HS6ST3: variants seen among roughly 807,000 people sequenced by gnomAD.
HS6ST3 encodes heparan sulfate 6-O-sulfotransferase 3.
Under a neutral mutation model 36.7 loss-of-function variants are expected in HS6ST3, and 12 were observed. The observed-to-expected ratio is 0.33, with a 90% CI of 0.21 to 0.53. The LOEUF is 0.53. Among genes scored for constraint, HS6ST3 ranks in the 20% least tolerant of loss-of-function variants. The pLI is 0.95. For missense variants in HS6ST3, 584 were observed against 640.9 expected (o/e 0.91, Z 0.96); for synonymous variants, 240 against 257.5 (o/e 0.93, Z 0.65).
In HS6ST3 at chr13:96,619,447, G is replaced by A. The variant is rs111540374; in HGVS notation, c.708-213043G>A. Among the ~76,000 whole-genome samples, 34 of 152,288 alleles carry A rather than the reference G, an allele frequency of 2.2e-4. 2 individuals carry two copies. The highest frequency in any genetic ancestry group is 7.9e-4 in the African/African-American group (33 of 41,558). ...TTTAGTATTTATCAAGTGCTGACTGGATCTTTTTGGTTAAAAAGTTGGTTA... is the reference window on the plus strand; with the variant it reads ...TTTAGTATTTATCAAGTGCTGACTGAATCTTTTTGGTTAAAAAGTTGGTTA... On this transcript the variant is annotated intron_variant, in intron 1 of 1. Transcript: ENST00000376705.
chr13:96,222,338 G>A (rs890597665), intron 1 of HS6ST3, among the ~76,000 whole-genome samples: 2 of 152,176 alleles, frequency 1.3e-5, no homozygotes, highest in Admixed American at 1.3e-4. Flanking sequence ...TGTCTGTATT[G>A]AAAGGTGATT....
intron 1 of HS6ST3, among the ~76,000 whole-genome samples, chr13:96,534,986 A>T (rs375745114): frequency 9.9e-5 from 15 of 152,222 alleles, no homozygotes; most frequent in Middle Eastern, 3.4e-3. Flanking sequence ...AAAAAGAGGA[A>T]CGCAGAACAG....
rs1017970070 is a variant in HS6ST3, at chr13:96,755,403, C to A, written c.708-77087C>A. On this transcript the variant is annotated intron_variant, in intron 1 of 1. Coordinates refer to ENST00000376705, the MANE Select transcript of HS6ST3 (RefSeq NM_153456.4). ...TTTTTGAGACAGAGTCTCACTCTAT[C>A]GCCCAGGCTGGAGTGCAATGGCATG... Among the ~76,000 whole-genome samples, 6 of 151,890 alleles carry A rather than the reference C, an allele frequency of 4.0e-5. No homozygotes were observed. In the East Asian group the frequency reaches 9.7e-4, roughly 24 times the overall value.
rs572902899 is a variant in HS6ST3 at position 96,429,771 on chromosome 13, T to C, written c.707+338202T>C. Among the ~76,000 whole-genome samples the C allele has an allele frequency of 4.7e-4, 71 of 152,342 alleles. No individual in the cohort carries two copies. In the South Asian group the frequency reaches 7.0e-3, roughly 15 times the overall value. On this transcript the variant is annotated intron_variant, in intron 1 of 1. Coordinates refer to ENST00000376705, the MANE Select transcript of HS6ST3 (RefSeq NM_153456.4). ...TAAAGCAGATAGTCTGTAGGTTCGA[T>C]AGAAAATTATAGGGAGTAGGAAAAC...
At chr13:96,761,636 AG>A (rs758247396) in intron 1 of HS6ST3, among the ~76,000 whole-genome samples, 6 of 152,288 alleles carry the variant, frequency 3.9e-5, no homozygotes, top group Non-Finnish European at 5.9e-5. Flanking sequence ...CATGTAAATT[AG>A]GTTTACATCC....
chr13:96,561,111 C>T (rs1233430405), intron 1 of HS6ST3, among the ~76,000 whole-genome samples: 3 of 152,128 alleles, frequency 2.0e-5, no homozygotes, highest in South Asian at 4.1e-4. Context: ...AGAGGCATCA[C>T]ATTACCTGAC....
intron 1 of HS6ST3, among the ~76,000 whole-genome samples, chr13:96,308,363 A>G (rs1482414652): frequency 6.6e-6 from 1 of 152,146 alleles, no homozygotes; most frequent in Admixed American, 6.6e-5. Context: ...GAGAATATTT[A>G]TTGCTGGTAC....
At chr13:96,279,468 C>T (rs142164420) in intron 1 of HS6ST3, among the ~76,000 whole-genome samples, 7 of 152,142 alleles carry the variant, frequency 4.6e-5, no homozygotes, top group South Asian at 4.2e-4. Flanking sequence ...ATAAGTGATA[C>T]GAAGGAGCAA....
intron 1 of HS6ST3, among the ~76,000 whole-genome samples, chr13:96,650,307 A>G (rs1013855950): frequency 5.3e-5 from 8 of 152,100 alleles, no homozygotes; most frequent in Non-Finnish European, 1.0e-4. Flanking sequence ...TATATCAAGA[A>G]TGAAGAGCTG....
intron 1 of HS6ST3, among the ~76,000 whole-genome samples, chr13:96,710,508 A>AT (rs1275812116): frequency 3.3e-5 from 5 of 152,234 alleles, no homozygotes; most frequent in East Asian, 1.9e-4. Flanking sequence ...GTAACAGTAG[A>AT]TTTTCTCTGC....
chr13:96,522,331 T>TCAGA (rs2056096852), intron 1 of HS6ST3, among the ~76,000 whole-genome samples: 10 of 152,298 alleles, frequency 6.6e-5, no homozygotes, highest in Admixed American at 6.5e-4. Context: ...ATTCTGTTGA[T>TCAGA]TTGGGGTGGG....
chr13:96,103,579 T>G (rs9516636), intron 1 of HS6ST3, among the ~76,000 whole-genome samples: 2,413 of 152,292 alleles, frequency 0.016, 29 homozygotes, highest in Non-Finnish European at 0.024. Flanking sequence ...TTTTTGGAGT[T>G]GTGGGGTGAG....
rs1490202227 is a variant in HS6ST3, at chr13:96,275,847, CTG to C, written c.707+184280_707+184281del. Among the ~76,000 whole-genome samples, 30 of 138,544 alleles carry C rather than the reference CTG, an allele frequency of 2.2e-4. 1 individual carries two copies. Among genetic ancestry groups the C allele is most frequent in the Middle Eastern group, 4.0e-3 (1 of 250 alleles). The allele number at this position is 138,544 out of a possible 152,430, so 90.9% of individuals were successfully genotyped here. A position where few individuals can be genotyped will look rare whatever the true frequency, so the allele number is the denominator to read the frequency against. On this transcript the variant is annotated intron_variant, in intron 1 of 1. Coordinates refer to ENST00000376705, the MANE Select transcript of HS6ST3 (RefSeq NM_153456.4). ...AATGCCAGTACCATTCTTCTTCTCTCTGTCTCTCTTTTTTTTTTTTTTTGGTG... is the reference window on the plus strand; with the variant it reads ...AATGCCAGTACCATTCTTCTTCTCTCTCTCTCTTTTTTTTTTTTTTTGGTG...
intron 1 of HS6ST3, among the ~76,000 whole-genome samples, chr13:96,728,354 A>T (rs1876056886): frequency 6.6e-6 from 1 of 152,228 alleles, no homozygotes; most frequent in African/African-American, 2.4e-5. Context: ...TTCAGGATTC[A>T]GGTCTTATAG....
At chr13:96,381,374 C>T (rs76749139) in intron 1 of HS6ST3, among the ~76,000 whole-genome samples, 3,108 of 144,642 alleles carry the variant, frequency 0.021, 102 homozygotes, top group African/African-American at 0.073. Flanking sequence ...ATCTATTTAT[C>T]CATCTATCTA....
intron 1 of HS6ST3, among the ~76,000 whole-genome samples, chr13:96,180,086 C>A (rs955706994): frequency 6.6e-6 from 1 of 152,158 alleles, no homozygotes; most frequent in Non-Finnish European, 1.5e-5. Context: ...CCACCCGCCT[C>A]AGCCTCCCAA....
intron 1 of HS6ST3, among the ~76,000 whole-genome samples, chr13:96,686,348 G>C (rs1334083027): frequency 1.3e-5 from 2 of 152,010 alleles, no homozygotes; most frequent in African/African-American, 2.4e-5. Context: ...AATAATTATA[G>C]TTTATTGCCT....
intron 1 of HS6ST3, among the ~76,000 whole-genome samples, chr13:96,425,945 A>G (rs1566357651): frequency 1.3e-5 from 2 of 151,786 alleles, no homozygotes; most frequent in South Asian, 4.2e-4. Context: ...TTATTCACAC[A>G]CGTCTGCTTG....
At position 96,192,773 on chromosome 13, in the gene HS6ST3, CAAT is replaced by C. The variant is rs752776039; in HGVS notation, c.707+101208_707+101210del. Among the ~76,000 whole-genome samples the C allele has an allele frequency of 1.2e-3, 182 of 151,808 alleles. 1 individual carries two copies. Among genetic ancestry groups the C allele is most frequent in the Non-Finnish European group, 1.8e-3 (120 of 67,982 alleles). Reference sequence around the variant, plus strand: ...GTTTATTCTACTTTGGGTAGATACTCAATAATGGGATTATTGGATCAAATATGA... The same window carrying C: ...GTTTATTCTACTTTGGGTAGATACTCAATGGGATTATTGGATCAAATATGA... On this transcript the variant is annotated intron_variant, in intron 1 of 1. Coordinates refer to ENST00000376705, the MANE Select transcript of HS6ST3 (RefSeq NM_153456.4).
Sources: gnomAD v4.1 joint callset for allele counts (sites outside exome capture counted in the v4.1 genomes callset) on GRCh38, gnomAD v4.1.1 for gene constraint, MANE v1.5 for transcripts, NCBI Gene and HGNC (gene_info 2026-07-23, HGNC 2026-07-21) for gene names.